Variants in PCDHA7 observed in about 807,000 individuals in gnomAD.
PCDHA7 encodes protocadherin alpha-7.
Under a neutral mutation model 57.2 loss-of-function variants are expected in PCDHA7, and 37 were observed. The ratio of observed to expected loss-of-function variants is 0.65; its 90% CI spans 0.50 to 0.85. The LOEUF is 0.85. Ranked by LOEUF, PCDHA7 falls within the 40% of genes least tolerant of loss-of-function variation. The probability of loss-of-function intolerance (pLI) is 0.00; values close to 1 mark genes in which losing one functional copy is unlikely to be tolerated. For synonymous variants in PCDHA7, 553 were observed against 558.8 expected (o/e 0.99, Z 0.15); for missense variants, 1,188 against 1,241.8 (o/e 0.96, Z 0.65).
chr5:140,885,319 T>C (rs2060561832), intron 1 of PCDHA7, among the ~76,000 whole-genome samples: 1 of 152,216 alleles, frequency 6.6e-6, no homozygotes, highest in Admixed American at 6.5e-5. Context: ...TGTTATTATT[T>C]CTTTTCCAAA....
intron 3 of PCDHA7, among the ~76,000 whole-genome samples, chr5:140,995,012 AGG>A (rs1360435760): frequency 6.6e-6 from 1 of 152,218 alleles, no homozygotes; most frequent in Non-Finnish European, 1.5e-5. Context: ...GTTTATATTT[AGG>A]AAAGAAGATT....
intron 1 of PCDHA7, chr5:140,876,161 T>C (rs1582262337): frequency 6.2e-7 from 1 of 1,613,960 alleles, no homozygotes; most frequent in Non-Finnish European, 8.5e-7. Flanking sequence ...CAGATTCAAA[T>C]AACCGTCCTG....
At chr5:140,941,698 T>C (rs2093148440) in intron 1 of PCDHA7, among the ~76,000 whole-genome samples, 1 of 152,186 alleles carries the variant, frequency 6.6e-6, no homozygotes, top group African/African-American at 2.4e-5. Flanking sequence ...TCTTTGGGCT[T>C]AGCTTTCCTC....
chr5:140,966,281 G>T, intron 1 of PCDHA7: 1 of 366,828 alleles, frequency 2.7e-6, no homozygotes, highest in Non-Finnish European at 4.8e-6. Context: ...TGGACAGTGG[G>T]GGTAGGGAGA....
rs1554262229 is a variant in PCDHA7, at chr5:141,009,613, G to A, written c.2504-14G>A. ...GTTGACCCTGTTAATGATTTGTAATGTTTTGTCTTTCAGAACCAGAGGCAG... is the reference window on the plus strand; with the variant it reads ...GTTGACCCTGTTAATGATTTGTAATATTTTGTCTTTCAGAACCAGAGGCAG... On this transcript the variant is annotated splice_polypyrimidine_tract_variant and intron_variant, in intron 3 of 3. Coordinates refer to ENST00000525929, the MANE Select transcript of PCDHA7 (RefSeq NM_018910.3). The A allele has an allele frequency of 6.2e-7, 1 of 1,611,932 alleles. No individual in the cohort carries two copies. Among genetic ancestry groups the A allele is most frequent in the Non-Finnish European group, 8.5e-7 (1 of 1,178,618 alleles).
intron 1 of PCDHA7, chr5:140,883,159 G>A (rs782151764): frequency 3.1e-6 from 5 of 1,613,846 alleles, no homozygotes; most frequent in Admixed American, 3.3e-5. Context: ...CCATAAATCC[G>A]AACAATGGAG....
At chr5:140,931,901 T>G (rs2087840006) in intron 1 of PCDHA7, among the ~76,000 whole-genome samples, 1 of 151,938 alleles carries the variant, frequency 6.6e-6, no homozygotes, top group South Asian at 2.1e-4. Flanking sequence ...TCAAATCATT[T>G]GAAAAGCATG....
chr5:140,858,218 G>A, intron 1 of PCDHA7: 1 of 1,596,494 alleles, frequency 6.3e-7, no homozygotes. Context: ...GTGCTCGGCG[G>A]CGCCCACCGA....
At chr5:140,926,906 G>T in intron 1 of PCDHA7, 1 of 1,559,584 alleles carries the variant, frequency 6.4e-7, no homozygotes, top group Non-Finnish European at 8.7e-7. Context: ...GTGGGCTGTG[G>T]GGTGGCAGTT....
In PCDHA7 at chr5:140,967,411, A is replaced by T. The variant is rs142102675; in HGVS notation, c.2356-11538A>T. The T allele has an allele frequency of 4.6e-5, 74 of 1,613,220 alleles. No individual in the cohort carries two copies. The African/African-American group carries it at 9.5e-4, about 21-fold the overall frequency. On this transcript the variant is annotated intron_variant, in intron 1 of 3. Coordinates refer to ENST00000525929, the MANE Select transcript of PCDHA7 (RefSeq NM_018910.3). The stretch of plus-strand genomic sequence containing the variant: ...TTGAGCTGGTGCTGCGTAAGGGCCT[A>T]GACCGGGAGCAGGCAGCCTTGCACC...
chr5:140,954,843 G>T (rs1011520662), intron 1 of PCDHA7, among the ~76,000 whole-genome samples: 4 of 152,058 alleles, frequency 2.6e-5, no homozygotes, highest in African/African-American at 9.7e-5. Flanking sequence ...TGAAATCTTT[G>T]CCTGTGCCTA....
intron 3 of PCDHA7, among the ~76,000 whole-genome samples, chr5:140,995,446 T>C (rs2097684088): frequency 6.6e-6 from 1 of 152,206 alleles, no homozygotes; most frequent in Non-Finnish European, 1.5e-5. Flanking sequence ...TTAAAACTTA[T>C]GAATTGTTTA....
intron 1 of PCDHA7, among the ~76,000 whole-genome samples, chr5:140,935,239 A>G (rs1554210410): frequency 1.3e-5 from 2 of 152,172 alleles, no homozygotes. Flanking sequence ...TCTATTTTTT[A>G]AAAGATAAAA....
At chr5:140,958,135 G>T (rs868969031) in intron 1 of PCDHA7, among the ~76,000 whole-genome samples, 3 of 152,036 alleles carry the variant, frequency 2.0e-5, no homozygotes, top group Non-Finnish European at 4.4e-5. Context: ...GTATCAGTGT[G>T]TATATTTATA....
At chr5:140,987,149 G>C (rs1380803903) in intron 3 of PCDHA7, among the ~76,000 whole-genome samples, 2 of 151,884 alleles carry the variant, frequency 1.3e-5, no homozygotes, top group African/African-American at 4.8e-5. Flanking sequence ...GGGAGGTGGA[G>C]GTTGCAGTGA....
chr5:140,844,162 T>C (rs1328391429), intron 1 of PCDHA7, among the ~76,000 whole-genome samples: 8 of 149,794 alleles, frequency 5.3e-5, no homozygotes, highest in Non-Finnish European at 1.0e-4. Context: ...TTTTATTCAC[T>C]TTAAGATCTC....
chr5:140,952,417 C>T (rs2153696080), intron 1 of PCDHA7, among the ~76,000 whole-genome samples: 1 of 152,190 alleles, frequency 6.6e-6, no homozygotes, highest in Non-Finnish European at 1.5e-5. Flanking sequence ...TAATGTTCCG[C>T]AGATTCCTAC....
intron 1 of PCDHA7, among the ~76,000 whole-genome samples, chr5:140,959,348 G>C (rs991931151): frequency 1.3e-5 from 2 of 152,110 alleles, no homozygotes; most frequent in Admixed American, 6.5e-5. Flanking sequence ...GCACTCCAGC[G>C]GGACAACTGA....
rs185767188 is a variant in PCDHA7 at position 140,858,268 on chromosome 5, T to C, written c.2355+21530T>C. On this transcript the variant is annotated intron_variant, in intron 1 of 3. Transcript: ENST00000525929. ...CGGTGAAGCCCACGCTGGTGTGCTC[T>C]AGCGCGGTGGGGAGCTGGTCTTACT... The C allele has an allele frequency of 2.5e-3, 4,023 of 1,597,108 alleles. 314 individuals carry two copies. Among genetic ancestry groups the C allele is most frequent in the Middle Eastern group, 0.01 (61 of 5,954 alleles).
Sources: allele counts gnomAD v4.1 joint callset (sites outside exome capture counted in the v4.1 genomes callset), GRCh38; gene constraint gnomAD v4.1.1; transcripts MANE v1.5; gene names NCBI Gene and HGNC (gene_info 2026-07-23, HGNC 2026-07-21).